Variants in MORC1 observed in about 807,000 individuals in gnomAD.
The protein encoded by MORC1 is MORC family CW-type zinc finger protein 1.
Under a neutral mutation model 134.9 loss-of-function variants are expected in MORC1, and 59 were observed. The observed-to-expected ratio is 0.44, with a 90% CI of 0.35 to 0.54. The LOEUF (loss-of-function observed/expected upper bound fraction) is 0.54, where lower values mean the gene tolerates loss of function less well. Ranked by LOEUF, MORC1 falls within the 20% of genes least tolerant of loss-of-function variation. The pLI is 0.00. For synonymous variants in MORC1, 395 were observed against 391.7 expected (o/e 1.01, Z -0.10); for missense variants, 947 against 1,134.5 (o/e 0.83, Z 2.37).
At chr3:109,086,505 T>C (rs1950619175) in intron 8 of MORC1, among the ~76,000 whole-genome samples, 1 of 152,042 alleles carries the variant, frequency 6.6e-6, no homozygotes, top group South Asian at 2.1e-4. Flanking sequence ...ATTGTGTTCA[T>C]GCCCTGGTTC....
chr3:109,074,761 C>CA (rs1441755743), intron 8 of MORC1, among the ~76,000 whole-genome samples: 2 of 152,160 alleles, frequency 1.3e-5, no homozygotes, highest in Non-Finnish European at 2.9e-5. Flanking sequence ...CTTTCCACAG[C>CA]ATGATAGTAA....
chr3:109,081,668 T>C (rs1950522166), intron 8 of MORC1, among the ~76,000 whole-genome samples: 1 of 152,154 alleles, frequency 6.6e-6, no homozygotes, highest in African/African-American at 2.4e-5. Context: ...TTGGCCAGGC[T>C]GGTCTCGAAC....
intron 2 of MORC1, among the ~76,000 whole-genome samples, chr3:109,113,737 T>C (rs72937317): frequency 0.05 from 7,595 of 151,914 alleles, 570 homozygotes; most frequent in African/African-American, 0.16. Context: ...CTTAAACTGT[T>C]TAACGGGTTC....
In MORC1 at chr3:109,021,399, A is replaced by G. The variant is rs115347436; in HGVS notation, c.1704+6352T>C. ...TCTCTCCATCTCTGCTGATGTGAAC[A>G]GGAATCACTGACTAGCATGCAAACA... On this transcript the variant is annotated intron_variant, in intron 17 of 27. Coordinates refer to ENST00000232603, the MANE Select transcript of MORC1 (RefSeq NM_014429.4). 4.0e-3 allele frequency among the ~76,000 whole-genome samples: 603 copies of G among 152,330 alleles called. 4 individuals carry two copies. The highest frequency in any genetic ancestry group is 0.014 in the African/African-American group (572 of 41,570).
At chr3:109,014,431 TACC>T (rs139950455) in intron 17 of MORC1, among the ~76,000 whole-genome samples, 2,416 of 152,316 alleles carry the variant, frequency 0.016, 59 homozygotes, top group African/African-American at 0.054. Context: ...GCCAAAACAG[TACC>T]ACAAGTCTAC....
chr3:109,045,807 A>G (rs1949682391), intron 14 of MORC1, among the ~76,000 whole-genome samples: 1 of 152,052 alleles, frequency 6.6e-6, no homozygotes, highest in Non-Finnish European at 1.5e-5. Context: ...TCTCCACTCT[A>G]CTGTAAGCAC....
chr3:109,056,660 T>C (rs1438247432), intron 13 of MORC1, among the ~76,000 whole-genome samples: 1 of 152,246 alleles, frequency 6.6e-6, no homozygotes, highest in Non-Finnish European at 1.5e-5. Context: ...CTTAGTATAG[T>C]GCCTGGCATA....
intron 17 of MORC1, among the ~76,000 whole-genome samples, chr3:109,023,762 C>T (rs768986960): frequency 2.0e-5 from 3 of 152,068 alleles, no homozygotes; most frequent in South Asian, 2.1e-4. Context: ...TAAATTATTG[C>T]CTAGGTTTAC....
At chr3:108,964,962 G>A (rs1040297845) in intron 26 of MORC1, among the ~76,000 whole-genome samples, 1 of 152,156 alleles carries the variant, frequency 6.6e-6, no homozygotes, top group African/African-American at 2.4e-5. Flanking sequence ...ACAAGTTGAT[G>A]ACTTACAACT....
chr3:109,045,505 C>A (rs1365069601), intron 14 of MORC1, among the ~76,000 whole-genome samples: 1 of 152,152 alleles, frequency 6.6e-6, no homozygotes, highest in Non-Finnish European at 1.5e-5. Context: ...TTGAGAAGAA[C>A]CATGAGGCCA....
intron 14 of MORC1, among the ~76,000 whole-genome samples, chr3:109,051,466 A>G (rs1010818245): frequency 6.6e-6 from 1 of 152,206 alleles, no homozygotes; most frequent in Non-Finnish European, 1.5e-5. Flanking sequence ...TCTCCTTACA[A>G]ATTACTAAAA....
Position 108,958,843 on chromosome 3 carries a change from T to C in MORC1, c.*122A>G. ...AATTTTCTTATTTGAAAAAAATTAT[T>C]TCTTATTTCTTATTGTTAAACAGAA... On this transcript the variant is annotated 3_prime_UTR_variant, in exon 28 of 28. Coordinates refer to ENST00000232603, the MANE Select transcript of MORC1 (RefSeq NM_014429.4). 1.7e-6 allele frequency: 1 copy of C among 598,130 alleles called. No individual in the cohort carries two copies. 37.1% of individuals were successfully genotyped at this position (598,130 alleles called of 1,614,324 possible).
At chr3:109,079,428 G>A (rs1576719603) in intron 8 of MORC1, among the ~76,000 whole-genome samples, 1 of 151,954 alleles carries the variant, frequency 6.6e-6, no homozygotes, top group Admixed American at 6.6e-5. Context: ...CTATTATGCA[G>A]AAAAGAATAA....
chr3:109,006,027 C>G (rs1005662742), intron 18 of MORC1, among the ~76,000 whole-genome samples: 13 of 152,178 alleles, frequency 8.5e-5, no homozygotes, highest in Non-Finnish European at 1.6e-4. Context: ...AATCTCAAGG[C>G]ATGAGACAAT....
intron 14 of MORC1, among the ~76,000 whole-genome samples, chr3:109,047,969 C>T (rs146352323): frequency 6.6e-6 from 1 of 152,150 alleles, no homozygotes; most frequent in Non-Finnish European, 1.5e-5. Flanking sequence ...AATGGAAGAA[C>T]ACACTACCAC....
intron 16 of MORC1, among the ~76,000 whole-genome samples, chr3:109,030,699 A>G (rs1162997906): frequency 2.0e-5 from 3 of 152,242 alleles, no homozygotes; most frequent in African/African-American, 7.2e-5. Context: ...GGCTAAATTT[A>G]TCTAGCCACT....
chr3:108,996,815 C>G (rs1948243320), intron 21 of MORC1, among the ~76,000 whole-genome samples: 1 of 151,612 alleles, frequency 6.6e-6, no homozygotes, highest in Non-Finnish European at 1.5e-5. Flanking sequence ...TGGAGACCAT[C>G]CTGGCTAACA....
chr3:109,004,706 A>G (rs2107531571), intron 20 of MORC1, 111 bp downstream of exon 20: 1 of 1,031,052 alleles, frequency 9.7e-7, no homozygotes, highest in South Asian at 1.6e-5. Flanking sequence ...AATATGTATG[A>G]TTTAGTTAAG....
At chr3:109,098,866 T>A (rs769925477) in intron 6 of MORC1, among the ~76,000 whole-genome samples, 1 of 152,202 alleles carries the variant, frequency 6.6e-6, no homozygotes, top group Non-Finnish European at 1.5e-5. Context: ...TATTGAATTA[T>A]AACTGACAGC....
Sources: allele counts gnomAD v4.1 joint callset (sites outside exome capture counted in the v4.1 genomes callset), GRCh38; gene constraint gnomAD v4.1.1; transcripts MANE v1.5; gene names NCBI Gene and HGNC (gene_info 2026-07-23, HGNC 2026-07-21).